The following CHL1 variants were observed in gnomAD, a reference collection of about 807,000 sequenced individuals.
CHL1 encodes neural cell adhesion molecule L1-like protein.
CHL1 carries 96 observed loss-of-function variants against 141.9 expected under a neutral mutation model. The ratio of observed to expected loss-of-function variants is 0.68; its 90% CI spans 0.57 to 0.80. The LOEUF (loss-of-function observed/expected upper bound fraction) is 0.80. Among genes scored for constraint, CHL1 ranks in the 30% least tolerant of loss-of-function variants. CHL1 has a pLI of 0.00. For missense variants in CHL1, 1,820 were observed against 1,457.2 expected, an observed-to-expected ratio of 1.25 and a Z score of -4.05; for synonymous variants, 613 against 502.2, an observed-to-expected ratio of 1.22 and a Z score of -2.95.
At chr3:275,684 C>A (rs143417814) in intron 2 of CHL1, among the ~76,000 whole-genome samples, 38 of 152,170 alleles carry the variant, frequency 2.5e-4, no homozygotes, top group African/African-American at 9.2e-4. Context: ...TTCATATATT[C>A]ATGAGAATTT....
intron 1 of CHL1, among the ~76,000 whole-genome samples, chr3:244,164 T>A (rs1391194262): frequency 6.6e-6 from 1 of 152,210 alleles, no homozygotes; most frequent in African/African-American, 2.4e-5. Flanking sequence ...GATCTTTCAA[T>A]GCTTCCTGAC....
chr3:395,045 T>G (rs1362505870), intron 24 of CHL1, among the ~76,000 whole-genome samples, 173 bp downstream of exon 24: 1 of 152,212 alleles, frequency 6.6e-6, no homozygotes, highest in Non-Finnish European at 1.5e-5. Flanking sequence ...AATTTATTAA[T>G]CTGTTTGGAA....
At chr3:338,986 G>C (rs1575108380) in intron 5 of CHL1, among the ~76,000 whole-genome samples, 2 of 152,286 alleles carry the variant, frequency 1.3e-5, no homozygotes, top group South Asian at 2.1e-4. Flanking sequence ...ATATTATCCA[G>C]TGAACTGTGT....
At chr3:211,686 C>T (rs1288563772) in intron 1 of CHL1, among the ~76,000 whole-genome samples, 1 of 152,124 alleles carries the variant, frequency 6.6e-6, no homozygotes, top group Non-Finnish European at 1.5e-5. Context: ...CCAAAAAGCA[C>T]TTATAAAGTA....
intron 1 of CHL1, among the ~76,000 whole-genome samples, chr3:228,757 T>G (rs1701603084): frequency 6.6e-6 from 1 of 152,210 alleles, no homozygotes; most frequent in Admixed American, 6.5e-5. Context: ...GCATCTTATG[T>G]AGATTTCTAA....
In CHL1 at chr3:398,556, T is replaced by C. The variant is rs560097931; in HGVS notation, c.3253+171T>C. 2.0e-5 allele frequency among the ~76,000 whole-genome samples: 3 copies of C among 152,358 alleles called. No individual in the cohort carries two copies. In the South Asian group the frequency reaches 6.2e-4, roughly 32 times the overall value. ...TTAAATTATCAAAATGAAAAATGTT[T>C]CACAGTAGTCCACCATCCTTTATTT... On this transcript the variant is annotated intron_variant, in intron 25 of 27. Transcript: ENST00000256509.
Position 388,700 on chromosome 3 carries a change from G to T in CHL1, c.2248-552G>T, listed in dbSNP as rs17838731. ...GAAATTATAAGAAAGAGGAGCTACT[G>T]TTTTTTTGTATTAAAATATGAACAT... is the stretch of plus-strand genomic sequence containing the variant. On this transcript the variant is annotated intron_variant, in intron 19 of 27. Coordinates refer to ENST00000256509, the MANE Select transcript of CHL1 (RefSeq NM_006614.4). Among the ~76,000 whole-genome samples the T allele has an allele frequency of 4.9e-4, 16 of 32,386 alleles. No homozygotes were observed. The South Asian group carries it at 0.053, about 107-fold the overall frequency. 21.2% of individuals were successfully genotyped at this position (32,386 alleles called of 152,430 possible).
intron 15 of CHL1, chr3:376,420 A>T (rs760443254): frequency 3.9e-6 from 2 of 516,796 alleles, no homozygotes; most frequent in Non-Finnish European, 7.7e-6. Context: ...ATTTTTAATA[A>T]GTTCTTTAGG....
At chr3:337,453 G>C (rs1345534197) in intron 5 of CHL1, among the ~76,000 whole-genome samples, 3 of 151,908 alleles carry the variant, frequency 2.0e-5, no homozygotes, top group East Asian at 1.9e-4. Flanking sequence ...TGCCATGCTG[G>C]TGTGCTGCAC....
intron 18 of CHL1, among the ~76,000 whole-genome samples, chr3:383,309 A>G (rs938736453): frequency 5.3e-5 from 8 of 152,214 alleles, no homozygotes; most frequent in African/African-American, 1.9e-4. Context: ...ATTTCTAATA[A>G]AACGAATCCA....
At chr3:232,516 TAA>T (rs1473074950) in intron 1 of CHL1, among the ~76,000 whole-genome samples, 1 of 152,190 alleles carries the variant, frequency 6.6e-6, no homozygotes, top group African/African-American at 2.4e-5. Context: ...TTAGGTTTTT[TAA>T]AGAGTCATTA....
At chr3:287,512 T>A (rs892144119) in intron 2 of CHL1, among the ~76,000 whole-genome samples, 1 of 152,218 alleles carries the variant, frequency 6.6e-6, no homozygotes, top group African/African-American at 2.4e-5. Context: ...GAAAGATGAT[T>A]GAGATACCTC....
At chr3:394,574 G>T in intron 23 of CHL1, 119 bp from the exon 24 acceptor site, 1 of 706,532 alleles carries the variant, frequency 1.4e-6, no homozygotes, top group East Asian at 2.7e-5. Context: ...ATGAGTTGAT[G>T]GTTATGAATC....
intron 12 of CHL1, among the ~76,000 whole-genome samples, chr3:361,285 C>T (rs955875738): frequency 1.1e-4 from 17 of 148,304 alleles, no homozygotes; most frequent in South Asian, 1.1e-3. Context: ...AAAACCTAGG[C>T]ATTACCATTC....
At chr3:296,933 A>G (rs886885121) in intron 2 of CHL1, among the ~76,000 whole-genome samples, 3 of 152,154 alleles carry the variant, frequency 2.0e-5, no homozygotes, top group Non-Finnish European at 4.4e-5. Context: ...AGTGGGAGGG[A>G]GAGAATGTGC....
intron 16 of CHL1, among the ~76,000 whole-genome samples, chr3:378,322 G>A (rs7617353): frequency 0.036 from 5,430 of 152,228 alleles, 304 homozygotes; most frequent in African/African-American, 0.12. Context: ...GGGTCAAGAG[G>A]TGGATGCACG....
chr3:307,099 C>G (rs1033394212), intron 2 of CHL1, among the ~76,000 whole-genome samples: 4 of 152,100 alleles, frequency 2.6e-5, no homozygotes, highest in Non-Finnish European at 4.4e-5. Flanking sequence ...ATATTTGCAT[C>G]CTGACCTAAT....
chr3:288,698 A>T (rs1697393474), intron 2 of CHL1, among the ~76,000 whole-genome samples: 1 of 152,146 alleles, frequency 6.6e-6, no homozygotes, highest in South Asian at 2.1e-4. Flanking sequence ...CATGGGCGGG[A>T]TGCGCTCCAT....
intron 11 of CHL1, among the ~76,000 whole-genome samples, chr3:356,123 A>T (rs1034642660): frequency 2.0e-5 from 3 of 152,180 alleles, no homozygotes; most frequent in African/African-American, 7.2e-5. Context: ...CTATCTTCAG[A>T]TTTGGGATTT....
Sources: gnomAD v4.1 joint callset for allele counts (sites outside exome capture counted in the v4.1 genomes callset) on GRCh38, gnomAD v4.1.1 for gene constraint, MANE v1.5 for transcripts, NCBI Gene and HGNC (gene_info 2026-07-23, HGNC 2026-07-21) for gene names.